Variants in CD1A observed in about 807,000 individuals in gnomAD.
The protein encoded by CD1A is T-cell surface glycoprotein CD1a.
In CD1A, 50 loss-of-function variants were observed where a neutral mutation model predicts 38.3. That is an observed-to-expected ratio of 1.30 (90% CI 1.04 to 1.65). The LOEUF (loss-of-function observed/expected upper bound fraction) is 1.65. Among genes scored for constraint, CD1A ranks in the 40% most tolerant of loss-of-function variants. The pLI is 0.00. For missense variants in CD1A, 459 were observed against 406.1 expected, an observed-to-expected ratio of 1.13 and a Z score of -1.12; for synonymous variants, 160 against 150.8, an observed-to-expected ratio of 1.06 and a Z score of -0.45.
At chr1:158,255,398 T>C in intron 2 of CD1A, 48 bp downstream of exon 2, 5 of 1,578,154 alleles carry the variant, frequency 3.2e-6, no homozygotes, top group Non-Finnish European at 4.3e-6. Flanking sequence ...GAGAGAGGGG[T>C]TGTCTCAATG....
chr1:158,257,112 C>G (rs369329666), intron 4 of CD1A, 48 bp downstream of exon 4: 3 of 1,565,702 alleles, frequency 1.9e-6, no homozygotes, highest in Non-Finnish European at 1.7e-6. Flanking sequence ...AAGTGGACCT[C>G]AGGCATAGAG....
At chr1:158,251,415 A>G (rs1650084892), upstream of CD1A, among the ~76,000 whole-genome samples, 2 of 152,206 alleles carry the variant, frequency 1.3e-5, no homozygotes, top group South Asian at 4.1e-4. Flanking sequence ...CTGTTGCTGC[A>G]ATAGTCTTCA....
chr1:158,256,846 T>C lies in CD1A; in HGVS notation c.665T>C (p.Val222Ala). 6.2e-7 allele frequency: 1 copy of C among 1,614,234 alleles called. No individual in the cohort carries two copies. Among genetic ancestry groups the C allele is most frequent in the Non-Finnish European group, 8.5e-7 (1 of 1,180,052 alleles). ...CCTGGCCCTGGCCATCTGCAGCTTG[T>C]GTGCCATGTCTCAGGATTCTACCCA... is the stretch of plus-strand genomic sequence containing the variant. ...PSPGPGHLQL[V>A]CHVSGFYPKP... Residue 222 changes from valine to alanine, a missense_variant, in exon 4 of 6, where the codon GTG becomes GCG. Physicochemically the swap from Val to Ala is moderately conservative, Grantham distance 64. Transcript: ENST00000289429.
upstream of CD1A, chr1:158,254,295 GCACA>G: frequency 9.0e-7 from 1 of 1,117,138 alleles, no homozygotes; most frequent in Non-Finnish European, 1.1e-6. Context: ...GCATTGGGCA[GCACA>G]CTGGGAGCCA....
chr1:158,254,413 G>T, upstream of CD1A: 1 of 1,324,962 alleles, frequency 7.5e-7, no homozygotes, highest in Non-Finnish European at 9.7e-7. Context: ...TTGAATTAGG[G>T]GAAGGTGAAT....
chr1:158,256,828 C>G lies in CD1A; in HGVS notation c.647C>G (p.Pro216Arg). 1 of 1,614,240 alleles carries G rather than the reference C, an allele frequency of 6.2e-7. No homozygotes were observed. Among genetic ancestry groups the G allele is most frequent in the African/African-American group, 1.3e-5 (1 of 75,066 alleles). The change falls in exon 4 of 6, where the codon CCT becomes CGT. Residue 216 changes from proline to arginine, a missense_variant. Transcript: ENST00000289429. ...CTGTCCCATGGCCCCAGTCCTGGCC[C>G]TGGCCATCTGCAGCTTGTGTGCCAT... is the stretch of plus-strand genomic sequence containing the variant. Reference protein sequence around the residue: ...AWLSHGPSPGPGHLQLVCHVS... With the variant: ...AWLSHGPSPGRGHLQLVCHVS...
At position 158,257,562 on chromosome 1, in the gene CD1A, C is replaced by A. The variant is rs199855177; in HGVS notation, c.974+51C>A. 3.2e-6 allele frequency: 5 copies of A among 1,580,446 alleles called. No individual in the cohort carries two copies. The East Asian group carries it at 8.9e-5, about 28-fold the overall frequency. On this transcript the variant is annotated intron_variant, in intron 5 of 5. Transcript: ENST00000289429. Reference sequence around the variant, plus strand: ...TACTCTTAGCCTCTACCCCACTTTTCTTCCCATGTTTTTTGTTTTTCTCTC... The same window carrying A: ...TACTCTTAGCCTCTACCCCACTTTTATTCCCATGTTTTTTGTTTTTCTCTC...
chr1:158,249,478 C>T (rs1650028916), upstream of CD1A, among the ~76,000 whole-genome samples: 1 of 152,068 alleles, frequency 6.6e-6, no homozygotes, highest in South Asian at 2.1e-4. Flanking sequence ...TTCATGAGGG[C>T]TCCAATCTCA....
Position 158,256,034 on chromosome 1 carries a change from G to T in CD1A, c.356G>T (p.Cys119Phe). 1.9e-6 allele frequency: 3 copies of T among 1,614,050 alleles called. No individual in the cohort carries two copies. In the East Asian group the frequency reaches 6.7e-5, roughly 36 times the overall value. Residue 119 changes from cysteine to phenylalanine, a missense_variant, in exon 3 of 6, where the codon TGT (cysteine) becomes TTT (phenylalanine). Transcript: ENST00000289429. ...YPFEIQVTGG[C>F]ELHSGKVSGS... Reference sequence around the variant, plus strand: ...TTTGAGATACAGGTGACAGGAGGCTGTGAGCTGCACTCTGGAAAGGTCTCA... The same window carrying T: ...TTTGAGATACAGGTGACAGGAGGCTTTGAGCTGCACTCTGGAAAGGTCTCA...
Position 158,255,148 on chromosome 1 carries a change from A to G in CD1A, c.123A>G (p.Lys41=), listed in dbSNP as rs1650206722. The change falls in exon 2 of 6, where the codon AAA becomes AAG. Residue 41 remains lysine (K), a synonymous_variant. Transcript: ENST00000289429. ...CATCCTTTTACAACCATTCCTGGAAACAAAATCTGGTCTCAGGTTGGCTGA... is the reference window on the plus strand; with the variant it reads ...CATCCTTTTACAACCATTCCTGGAAGCAAAATCTGGTCTCAGGTTGGCTGA... ...WIASFYNHSW[K]QNLVSGWLSD... The G allele has an allele frequency of 1.2e-6, 2 of 1,614,020 alleles. No homozygotes were observed. The highest frequency in any genetic ancestry group is 3.3e-5 in the Admixed American group (2 of 60,002).
intron 3 of CD1A, 44 bp from the exon 4 acceptor site, chr1:158,256,742 G>T: frequency 6.3e-7 from 1 of 1,580,468 alleles, no homozygotes; most frequent in Non-Finnish European, 8.6e-7. Context: ...GTGGAGATAT[G>T]AAACTCCAAG....
the CD1A span, among the ~76,000 whole-genome samples, chr1:158,248,729 A>G: frequency 5.9e-5 from 9 of 152,018 alleles, no homozygotes; most frequent in African/African-American, 1.9e-4. Flanking sequence ...TTTCCCTAGC[A>G]TTCTGCTCTT....
intron 4 of CD1A, 100 bp downstream of exon 4, chr1:158,257,164 C>A: frequency 1.4e-6 from 2 of 1,390,648 alleles, no homozygotes; most frequent in Non-Finnish European, 1.9e-6. Flanking sequence ...GGATTATAGC[C>A]CAAACATGAA....
In CD1A at chr1:158,257,501, A is replaced by G. The variant is rs748266321; in HGVS notation, c.964A>G (p.Arg322Gly). 2 of 1,613,618 alleles carry G rather than the reference A, an allele frequency of 1.2e-6. No individual in the cohort carries two copies. The highest frequency in any genetic ancestry group is 1.1e-5 in the South Asian group (1 of 91,066). ...LLLIGLALWF[R>G]KRCFC ...TCTGATAGGTCTTGCGCTTTGGTTC[A>G]GGAAACGCTGGTGAGTTCTTTGCAT... Residue 322 changes from arginine to glycine, a missense_variant, in exon 5 of 6, where the codon AGG becomes GGG. Coordinates refer to ENST00000289429, the MANE Select transcript of CD1A (RefSeq NM_001763.3).
At chr1:158,250,264 G>A (rs1650050550), upstream of CD1A, among the ~76,000 whole-genome samples, 1 of 152,220 alleles carries the variant, frequency 6.6e-6, no homozygotes, top group Non-Finnish European at 1.5e-5. Flanking sequence ...AGATGGCAGA[G>A]AATCAGTGCT....
In CD1A at chr1:158,254,558, G is replaced by C; in HGVS notation, c.-112G>C. 6.3e-7 allele frequency: 1 copy of C among 1,577,076 alleles called. No individual in the cohort carries two copies. Among genetic ancestry groups the C allele is most frequent in the Non-Finnish European group, 8.6e-7 (1 of 1,162,604 alleles). On this transcript the variant is annotated 5_prime_UTR_variant, in exon 1 of 6. Coordinates refer to ENST00000289429, the MANE Select transcript of CD1A (RefSeq NM_001763.3). ...TCTTTGTTGCAGTCAGGGGAGGTTTGTCTGTTGGCTGCAGAAAGAAGTCAG... is the reference window on the plus strand; with the variant it reads ...TCTTTGTTGCAGTCAGGGGAGGTTTCTCTGTTGGCTGCAGAAAGAAGTCAG...
At chr1:158,252,196 A>G (rs1350923846), upstream of CD1A, among the ~76,000 whole-genome samples, 1 of 150,088 alleles carries the variant, frequency 6.7e-6, no homozygotes. Context: ...TACCCTTCCC[A>G]TGCAGTAGCT....
At chr1:158,253,913 A>C (rs1168932648), upstream of CD1A, among the ~76,000 whole-genome samples, 2 of 151,948 alleles carry the variant, frequency 1.3e-5, no homozygotes, top group Non-Finnish European at 2.9e-5. Flanking sequence ...GCATATTCTT[A>C]AGTGTACCAA....
chr1:158,257,621 T>C, intron 5 of CD1A, 60 bp from the exon 6 acceptor site: 1 of 1,597,674 alleles, frequency 6.3e-7, no homozygotes, highest in Non-Finnish European at 8.6e-7. Flanking sequence ...CCTTCCCTCT[T>C]GCTCCTCAAT....
Sources: gnomAD v4.1 joint callset for allele counts (sites outside exome capture counted in the v4.1 genomes callset) on GRCh38, gnomAD v4.1.1 for gene constraint, MANE v1.5 for transcripts, NCBI Gene and HGNC (gene_info 2026-07-23, HGNC 2026-07-21) for gene names.